CHD9: variants seen among roughly 807,000 people sequenced by gnomAD.
CHD9 encodes ATP-dependent chromatin remodeler CHD9.
In CHD9, 77 loss-of-function variants were observed where a neutral mutation model predicts 316.1. That is an observed-to-expected ratio of 0.24 (90% CI 0.20 to 0.29). The LOEUF (loss-of-function observed/expected upper bound fraction) is 0.29, where lower values mean the gene tolerates loss of function less well. Ranked by LOEUF, CHD9 falls within the 10% of genes least tolerant of loss-of-function variation. The pLI, the probability that CHD9 is intolerant of heterozygous loss-of-function variation, is 1.00. For missense variants in CHD9, 2,763 were observed against 3,438.1 expected, an observed-to-expected ratio of 0.80 and a Z score of 4.91; for synonymous variants, 1,129 against 1,158.3, an observed-to-expected ratio of 0.97 and a Z score of 0.51.
At chr16:53,128,128 T>C (rs1441672611) in intron 1 of CHD9, among the ~76,000 whole-genome samples, 2 of 152,188 alleles carry the variant, frequency 1.3e-5, no homozygotes, top group African/African-American at 4.8e-5. Context: ...CCCAAATCCC[T>C]GTGTCCAGAT....
chr16:53,313,235 A>T (rs896954138), intron 34 of CHD9, among the ~76,000 whole-genome samples: 27 of 69,372 alleles, frequency 3.9e-4, no homozygotes, highest in African/African-American at 1.3e-3. Flanking sequence ...AAATCCAAGA[A>T]CTAGTTACTC....
At chr16:53,220,348 T>C (rs991623282) in intron 3 of CHD9, among the ~76,000 whole-genome samples, 1 of 152,224 alleles carries the variant, frequency 6.6e-6, no homozygotes, top group African/African-American at 2.4e-5. Flanking sequence ...GAAAAAGCAT[T>C]CTATAACTTT....
chr16:53,064,935 CT>C (rs2033349474), intron 1 of CHD9, among the ~76,000 whole-genome samples: 1 of 152,084 alleles, frequency 6.6e-6, no homozygotes, highest in African/African-American at 2.4e-5. Flanking sequence ...CACCATTGCA[CT>C]CCAGCCTGGG....
chr16:53,217,821 G>A (rs2152894035), intron 3 of CHD9, among the ~76,000 whole-genome samples: 2 of 151,952 alleles, frequency 1.3e-5, no homozygotes, highest in African/African-American at 4.8e-5. Flanking sequence ...TCCCAGGCTG[G>A]CCTCGAACTC....
intron 30 of CHD9, 91 bp from the exon 31 acceptor site, chr16:53,303,629 G>A (rs974439569): frequency 2.1e-6 from 2 of 953,232 alleles, no homozygotes; most frequent in African/African-American, 1.7e-5. Context: ...AAATGGTATT[G>A]TTATAAATAT....
intron 26 of CHD9, 39 bp from the exon 27 acceptor site, chr16:53,287,918 C>T: frequency 6.8e-7 from 1 of 1,479,002 alleles, no homozygotes; most frequent in Non-Finnish European, 9.5e-7. Flanking sequence ...AATCTTAAGT[C>T]CATTACAGTA....
rs113506021 is a variant in CHD9, at chr16:53,207,123, G to T, written c.1453-2359G>T. 2.9e-3 allele frequency among the ~76,000 whole-genome samples: 447 copies of T among 152,272 alleles called. 5 individuals carry two copies. The highest frequency in any genetic ancestry group is 0.01 in the African/African-American group (420 of 41,558). On this transcript the variant is annotated intron_variant, in intron 2 of 38. Coordinates refer to ENST00000447540, the MANE Select transcript of CHD9 (RefSeq NM_001308319.2). The stretch of plus-strand genomic sequence containing the variant: ...GGGGAGAACCCAATGTTGTTTTATA[G>T]TGATATCAGATGACTAACCAGGACC...
intron 1 of CHD9, among the ~76,000 whole-genome samples, chr16:53,127,214 G>A (rs2039009795): frequency 6.6e-6 from 1 of 151,984 alleles, no homozygotes; most frequent in Admixed American, 6.6e-5. Context: ...CACCTGCCTT[G>A]GCCTCCCAAA....
rs1274767280 is a variant in CHD9, at chr16:53,245,769, G to A, written c.3373G>A (p.Ala1125Thr). 2.5e-6 allele frequency: 4 copies of A among 1,610,246 alleles called. No homozygotes were observed. The highest frequency in any genetic ancestry group is 8.5e-7 in the Non-Finnish European group (1 of 1,178,454). ...EKNFSFLSKG[A>T]GQTNVPNLVN... ...GAACTTTTCTTTTTTATCCAAAGGA[G>A]CAGGACAAACTAATGTACCTAACTT... is the stretch of plus-strand genomic sequence containing the variant. Residue 1125 changes from alanine (A) to threonine (T), a missense_variant, in exon 15 of 39, where the codon GCA becomes ACA. This residue lies in a region of CHD9 where 155 missense variants were observed against 291.8 expected (regional missense o/e 0.53). Transcript: ENST00000447540. The surrounding 1 kb of genome is among the most constrained non-coding windows in gnomAD (Gnocchi z 4.1).
intron 1 of CHD9, 68 bp from the exon 2 acceptor site, chr16:53,155,858 G>A (rs2041487192): frequency 6.2e-6 from 3 of 480,380 alleles, no homozygotes; most frequent in Non-Finnish European, 1.1e-5. Context: ...TGTTTTCAGA[G>A]TTCATTTTTG....
At chr16:53,209,235 T>A (rs1226130064) in intron 2 of CHD9, among the ~76,000 whole-genome samples, 1 of 152,218 alleles carries the variant, frequency 6.6e-6, no homozygotes, top group Non-Finnish European at 1.5e-5. Flanking sequence ...TAACCAAGAA[T>A]GCTATGAAAA....
Position 53,139,274 on chromosome 16 carries a change from A to C in CHD9, c.-164-16652A>C, listed in dbSNP as rs912953775. Reference sequence around the variant, plus strand: ...GAGAACATAAAATAACTACAGTGAGATAGCCTAATAACAGAGGAATATATT... The same window carrying C: ...GAGAACATAAAATAACTACAGTGAGCTAGCCTAATAACAGAGGAATATATT... On this transcript the variant is annotated intron_variant, in intron 1 of 38. Coordinates refer to ENST00000447540, the MANE Select transcript of CHD9 (RefSeq NM_001308319.2). 4.6e-5 allele frequency among the ~76,000 whole-genome samples: 7 copies of C among 152,162 alleles called. No homozygotes were observed. In the South Asian group the frequency reaches 8.3e-4, roughly 18 times the overall value.
intron 1 of CHD9, among the ~76,000 whole-genome samples, chr16:53,075,276 A>G (rs1047472221): frequency 6.6e-6 from 1 of 152,174 alleles, no homozygotes; most frequent in Non-Finnish European, 1.5e-5. Flanking sequence ...TTGATTTTAC[A>G]GGCTCATAGA....
chr16:53,285,544 T>G, intron 24 of CHD9, 52 bp from the exon 25 acceptor site: 1 of 1,233,916 alleles, frequency 8.1e-7, no homozygotes, highest in Non-Finnish European at 1.1e-6. Flanking sequence ...TTTTGCCTCC[T>G]TTTTGACTCA....
In CHD9 at chr16:53,254,440, C is replaced by G. The variant is rs752797592; in HGVS notation, c.3864C>G (p.Ala1288=). The part of the protein sequence containing the change: ...SDWNPQNDLQ[A]QARCHRIGQN... Reference sequence around the variant, plus strand: ...TATGTAACTTTTCATTTTTATAGGCCCAAGCTCGTTGCCACAGAATTGGTC... The same window carrying G: ...TATGTAACTTTTCATTTTTATAGGCGCAAGCTCGTTGCCACAGAATTGGTC... Residue 1288 remains alanine, a splice_region_variant and synonymous_variant, in exon 18 of 39, where the codon GCC becomes GCG. Transcript: ENST00000447540. 1 of 1,561,564 alleles carries G rather than the reference C, an allele frequency of 6.4e-7. No homozygotes were observed. Among genetic ancestry groups the G allele is most frequent in the Non-Finnish European group, 8.7e-7 (1 of 1,149,874 alleles).
At chr16:53,311,193 T>C (rs9788811) in intron 34 of CHD9, 17,935 of 150,850 alleles carry the variant, frequency 0.12, 1,258 homozygotes, top group South Asian at 0.23. Flanking sequence ...AAAAAAAAAT[T>C]GTAACACGAC....
At chr16:53,185,009 C>CT (rs2043860923) in intron 2 of CHD9, among the ~76,000 whole-genome samples, 1 of 152,210 alleles carries the variant, frequency 6.6e-6, no homozygotes, top group South Asian at 2.1e-4. Context: ...AACTAAACCT[C>CT]TTTCCTTTAT....
intron 8 of CHD9, 122 bp from the exon 9 acceptor site, chr16:53,231,297 T>G (rs1425790427): frequency 5.6e-6 from 3 of 535,840 alleles, no homozygotes; most frequent in South Asian, 6.2e-5. Context: ...AGAATTCCAT[T>G]TATTGGACAT....
chr16:53,198,005 A>C (rs2045087440), intron 2 of CHD9, among the ~76,000 whole-genome samples: 1 of 151,868 alleles, frequency 6.6e-6, no homozygotes, highest in Non-Finnish European at 1.5e-5. Context: ...GAATTACGGA[A>C]ACCCTCTCCC....
Sources: gnomAD v4.1 joint callset for allele counts (sites outside exome capture counted in the v4.1 genomes callset) on GRCh38, gnomAD v4.1.1 for gene constraint, gnomAD v4.1.1 regional missense constraint, Gnocchi (gnomAD v3.1) non-coding constraint, MANE v1.5 for transcripts, NCBI Gene and HGNC (gene_info 2026-07-23, HGNC 2026-07-21) for gene names.